SYNPR: variants seen among roughly 807,000 people sequenced by gnomAD.
SYNPR encodes synaptoporin.
In SYNPR, 23 loss-of-function variants were observed where a neutral mutation model predicts 32.9. The observed-to-expected ratio is 0.70, with a 90% confidence interval of 0.50 to 0.99. The LOEUF is 0.99. Ranked by LOEUF, SYNPR falls within the 50% of genes least tolerant of loss-of-function variation. The pLI, the probability that SYNPR is intolerant of heterozygous loss-of-function variation, is 0.00. For synonymous variants in SYNPR, 146 were observed against 135.9 expected, an observed-to-expected ratio of 1.07 and a Z score of -0.52; for missense variants, 318 against 349.3, an observed-to-expected ratio of 0.91 and a Z score of 0.71.
In SYNPR at chr3:63,278,531, G is replaced by C. The variant is rs763272275; in HGVS notation, c.-3G>C. 12 of 1,550,340 alleles carry C rather than the reference G, an allele frequency of 7.7e-6. No homozygotes were observed. The South Asian group carries it at 1.3e-4, about 17-fold the overall frequency. ...GGATGAGAAGAGCGAGCGAGGGCGA[G>C]CTATGGACCCTGTGAGTCAGGTGAG... On this transcript the variant is annotated 5_prime_UTR_variant, in exon 1 of 6. Coordinates refer to ENST00000478300, the MANE Select transcript of SYNPR (RefSeq NM_001130003.2).
chr3:63,572,443 T>A (rs1559540112), intron 4 of SYNPR, among the ~76,000 whole-genome samples: 1 of 152,170 alleles, frequency 6.6e-6, no homozygotes, highest in Non-Finnish European at 1.5e-5. Flanking sequence ...AGTAAGGCAT[T>A]ATGCTAGGTA....
chr3:63,595,151 A>G (rs1699911668), intron 4 of SYNPR, among the ~76,000 whole-genome samples: 1 of 152,200 alleles, frequency 6.6e-6, no homozygotes, highest in Non-Finnish European at 1.5e-5. Flanking sequence ...GATGGGTGAT[A>G]ACCATCAAAA....
At chr3:63,208,317 C>T in the SYNPR span, among the ~76,000 whole-genome samples, 2 of 152,138 alleles carry the variant, frequency 1.3e-5, no homozygotes, top group South Asian at 2.1e-4. Context: ...AACTGCTCTG[C>T]CTCCTGAATT....
chr3:63,220,664 A>G, the SYNPR span, among the ~76,000 whole-genome samples: 1 of 152,182 alleles, frequency 6.6e-6, no homozygotes, highest in Non-Finnish European at 1.5e-5. Context: ...CCCATGTCAG[A>G]ATAAATCCAG....
chr3:63,433,813 A>G (rs898757687), intron 2 of SYNPR, among the ~76,000 whole-genome samples: 1 of 152,198 alleles, frequency 6.6e-6, no homozygotes, highest in Non-Finnish European at 1.5e-5. Context: ...TTACCCTCAT[A>G]TCATAGGGAT....
chr3:63,441,561 A>C (rs376188354), intron 2 of SYNPR, among the ~76,000 whole-genome samples: 181 of 152,268 alleles, frequency 1.2e-3, no homozygotes, highest in Admixed American at 3.9e-3. Context: ...TGCTCACTTA[A>C]ATGCCGGGTG....
chr3:63,587,783 T>C (rs1004030161), intron 4 of SYNPR, among the ~76,000 whole-genome samples: 1 of 152,076 alleles, frequency 6.6e-6, no homozygotes, highest in Non-Finnish European at 1.5e-5. Flanking sequence ...TTGGATTACC[T>C]CGGAGCAGTG....
upstream of SYNPR, among the ~76,000 whole-genome samples, chr3:63,224,195 G>C (rs1371184351): frequency 6.6e-6 from 1 of 152,210 alleles, no homozygotes; most frequent in Non-Finnish European, 1.5e-5. Context: ...TATCGCCTGA[G>C]CTTTGCCTCC....
chr3:63,595,798 TAG>T (rs1699939891), intron 4 of SYNPR, among the ~76,000 whole-genome samples: 1 of 55,074 alleles, frequency 1.8e-5, no homozygotes, highest in African/African-American at 8.0e-5. Flanking sequence ...TATATATATA[TAG>T]TTATATATAT....
chr3:63,557,318 A>G (rs1278384176), intron 4 of SYNPR, among the ~76,000 whole-genome samples: 1 of 152,164 alleles, frequency 6.6e-6, no homozygotes, highest in Admixed American at 6.5e-5. Flanking sequence ...AATAATTTTA[A>G]ATTTCACCCT....
chr3:63,561,699 C>T (rs1056954466), intron 4 of SYNPR, among the ~76,000 whole-genome samples: 30 of 152,080 alleles, frequency 2.0e-4, no homozygotes, highest in African/African-American at 6.0e-4. Flanking sequence ...CTTCTAAGTG[C>T]CATTTATCTG....
At chr3:63,419,707 T>C (rs1482739775) in intron 2 of SYNPR, among the ~76,000 whole-genome samples, 1 of 152,108 alleles carries the variant, frequency 6.6e-6, no homozygotes, top group Non-Finnish European at 1.5e-5. Context: ...ATGAAGTGGG[T>C]CAGGGAAGTT....
At chr3:63,402,219 G>C (rs1013154767) in intron 2 of SYNPR, among the ~76,000 whole-genome samples, 2 of 152,074 alleles carry the variant, frequency 1.3e-5, no homozygotes, top group Admixed American at 1.3e-4. Flanking sequence ...TGTGCACTCT[G>C]GGATGTTTAG....
chr3:63,430,415 T>C (rs578143658), intron 2 of SYNPR, among the ~76,000 whole-genome samples: 7 of 151,654 alleles, frequency 4.6e-5, no homozygotes, highest in African/African-American at 1.2e-4. Context: ...CTCATGGAAA[T>C]TGTGTTCTTG....
chr3:63,563,024 C>T (rs1202803169), intron 4 of SYNPR, among the ~76,000 whole-genome samples: 1 of 152,110 alleles, frequency 6.6e-6, no homozygotes, highest in African/African-American at 2.4e-5. Flanking sequence ...GATTGTAGCA[C>T]TATTATTATC....
At chr3:63,452,314 T>G (rs761204681) in intron 2 of SYNPR, among the ~76,000 whole-genome samples, 1 of 152,142 alleles carries the variant, frequency 6.6e-6, no homozygotes, top group African/African-American at 2.4e-5. Flanking sequence ...CAAAAGTGAT[T>G]TAATTATCAT....
intron 2 of SYNPR, among the ~76,000 whole-genome samples, chr3:63,387,162 C>T (rs902563367): frequency 6.6e-6 from 1 of 152,132 alleles, no homozygotes; most frequent in African/African-American, 2.4e-5. Flanking sequence ...CCACAACAAC[C>T]CCATAAGAGT....
intron 3 of SYNPR, among the ~76,000 whole-genome samples, chr3:63,482,133 T>C (rs1405732754): frequency 6.6e-6 from 1 of 152,046 alleles, no homozygotes; most frequent in Non-Finnish European, 1.5e-5. Flanking sequence ...TAATATCTAA[T>C]TTCATAAAAT....
chr3:63,612,855 C>T (rs1445115734), intron 5 of SYNPR, among the ~76,000 whole-genome samples: 1 of 151,670 alleles, frequency 6.6e-6, no homozygotes, highest in East Asian at 1.9e-4. Flanking sequence ...TGAAAAGATC[C>T]CTTGATAATT....
Sources: gnomAD v4.1 joint callset for allele counts (sites outside exome capture counted in the v4.1 genomes callset) on GRCh38, gnomAD v4.1.1 for gene constraint, MANE v1.5 for transcripts, NCBI Gene and HGNC (gene_info 2026-07-23, HGNC 2026-07-21) for gene names.